DLG2: variants seen among roughly 807,000 people sequenced by gnomAD.
DLG2 encodes discs large MAGUK scaffold protein 2, also known as disks large homolog 2.
Under a neutral mutation model 132.5 loss-of-function variants are expected in DLG2, and 45 were observed. The observed-to-expected ratio is 0.34, with a 90% CI of 0.27 to 0.44. The LOEUF (loss-of-function observed/expected upper bound fraction) is 0.44, where lower values mean the gene tolerates loss of function less well. DLG2 is among the 20% of genes least tolerant of loss of function. The probability of loss-of-function intolerance (pLI) is 1.00; values close to 1 mark genes in which losing one functional copy is unlikely to be tolerated. For missense variants in DLG2, 1,045 were observed against 1,196.9 expected, an observed-to-expected ratio of 0.87 and a Z score of 1.87; for synonymous variants, 424 against 419.6, an observed-to-expected ratio of 1.01 and a Z score of -0.13.
intron 6 of DLG2, among the ~76,000 whole-genome samples, chr11:84,617,226 C>T (rs1464900716): frequency 2.6e-5 from 4 of 151,536 alleles, no homozygotes; most frequent in Non-Finnish European, 5.9e-5. Context: ...TGAGTGAGGA[C>T]ATGCAGTATT....
chr11:85,372,490 AG>A (rs1430432827), intron 3 of DLG2, among the ~76,000 whole-genome samples: 1 of 152,250 alleles, frequency 6.6e-6, no homozygotes, highest in East Asian at 1.9e-4. Context: ...GCCCTAGGAA[AG>A]AAAATTGTAT....
intron 3 of DLG2, among the ~76,000 whole-genome samples, chr11:85,296,310 C>T (rs2079200921): frequency 6.6e-6 from 1 of 152,088 alleles, no homozygotes; most frequent in African/African-American, 2.4e-5. Context: ...ATTCAGTCTA[C>T]AGGGAGACAT....
At chr11:84,497,094 T>C (rs17147397) in intron 7 of DLG2, among the ~76,000 whole-genome samples, 4,669 of 152,220 alleles carry the variant, frequency 0.031, 179 homozygotes, top group African/African-American at 0.093. Context: ...AAATAGATAA[T>C]GGCGTTTAAC....
chr11:84,606,381 C>T (rs1382538922), intron 6 of DLG2, among the ~76,000 whole-genome samples: 1 of 152,072 alleles, frequency 6.6e-6, no homozygotes, highest in Non-Finnish European at 1.5e-5. Flanking sequence ...AAACAACACA[C>T]ACACACATGG....
At chr11:84,991,559 AAAG>A (rs1275854519) in intron 6 of DLG2, among the ~76,000 whole-genome samples, 8 of 151,898 alleles carry the variant, frequency 5.3e-5, no homozygotes, top group Non-Finnish European at 1.2e-4. Context: ...AAAATAAAGA[AAAG>A]GAGGAGGAGG....
chr11:83,946,176 G>C (rs2083898264), intron 14 of DLG2, among the ~76,000 whole-genome samples: 1 of 151,912 alleles, frequency 6.6e-6, no homozygotes, highest in East Asian at 1.9e-4. Flanking sequence ...TTTTAGGAGA[G>C]ATGTGGCTTC....
At position 84,534,553 on chromosome 11, in the gene DLG2, A is replaced by T. The variant is rs1183217368; in HGVS notation, c.519+17T>A. The T allele has an allele frequency of 6.2e-6, 10 of 1,612,022 alleles. No individual in the cohort carries two copies. The highest frequency in any genetic ancestry group is 8.5e-7 in the Non-Finnish European group (1 of 1,178,310). On this transcript the variant is annotated intron_variant, in intron 7 of 27. Coordinates refer to ENST00000376104, the MANE Select transcript of DLG2 (RefSeq NM_001142699.3). ...TACTGTCACCAACTATAAAGTCGGA[A>T]GAGCAATATAACTGACCTTCAGAGG...
chr11:84,327,840 C>G, intron 7 of DLG2, among the ~76,000 whole-genome samples: 1 of 152,304 alleles, frequency 6.6e-6, no homozygotes, highest in Middle Eastern at 3.4e-3. Flanking sequence ...GTTCTTAACA[C>G]AGTAACTGTA....
At chr11:84,909,429 C>G (rs1207216307) in intron 6 of DLG2, among the ~76,000 whole-genome samples, 1 of 152,062 alleles carries the variant, frequency 6.6e-6, no homozygotes, top group Non-Finnish European at 1.5e-5. Flanking sequence ...TTTGGGTATG[C>G]TAATTTGCGT....
In DLG2 at chr11:85,331,645, G is replaced by A. The variant is rs185030683; in HGVS notation, c.41-46280C>T. Among the ~76,000 whole-genome samples, 349 of 152,144 alleles carry A rather than the reference G, an allele frequency of 2.3e-3. 1 individual carries two copies. The highest frequency in any genetic ancestry group is 8.1e-3 in the African/African-American group (335 of 41,514). On this transcript the variant is annotated intron_variant, in intron 3 of 27. Transcript: ENST00000376104. ...CCTGCCACCTGAAGTAGTAGGCCCC[G>A]GTGGCTATGATTCCCCTCTTTGTAT... is the stretch of plus-strand genomic sequence containing the variant.
At chr11:85,130,974 C>G (rs990261265) in intron 5 of DLG2, among the ~76,000 whole-genome samples, 9 of 151,892 alleles carry the variant, frequency 5.9e-5, no homozygotes, top group Non-Finnish European at 7.4e-5. Context: ...ATGTTATATA[C>G]ATCACTCTAG....
intron 18 of DLG2, among the ~76,000 whole-genome samples, chr11:83,784,140 G>A (rs750571678): frequency 6.6e-6 from 1 of 152,130 alleles, no homozygotes; most frequent in South Asian, 2.1e-4. Flanking sequence ...AAAATCATCT[G>A]CCAGCATTGT....
chr11:84,784,359 A>T, intron 6 of DLG2, among the ~76,000 whole-genome samples: 1 of 137,356 alleles, frequency 7.3e-6, no homozygotes, highest in East Asian at 2.0e-4. Flanking sequence ...TAAATAAATA[A>T]ATAAATAAAT....
rs190589060 is a variant in DLG2, at chr11:85,198,489, T to C, written c.187-43838A>G. 1.9e-3 allele frequency among the ~76,000 whole-genome samples: 284 copies of C among 152,266 alleles called. 1 individual carries two copies. Among genetic ancestry groups the C allele is most frequent in the African/African-American group, 6.6e-3 (273 of 41,572 alleles). ...AATTGTTTCTAGAACTAAATCAATT[T>C]ATATATATGAAATATTCTATAAATG... On this transcript the variant is annotated intron_variant, in intron 4 of 27. Transcript: ENST00000376104.
At chr11:84,427,556 G>C (rs973409079) in intron 7 of DLG2, among the ~76,000 whole-genome samples, 2 of 151,918 alleles carry the variant, frequency 1.3e-5, no homozygotes, top group African/African-American at 2.4e-5. Context: ...CAGGAATCTT[G>C]GGGAAAAAAA....
intron 3 of DLG2, among the ~76,000 whole-genome samples, chr11:85,460,660 C>G (rs182812749): frequency 4.3e-4 from 65 of 152,320 alleles, no homozygotes; most frequent in African/African-American, 1.6e-3. Flanking sequence ...TAATAGCCAT[C>G]TTGGCCTCTC....
intron 16 of DLG2, among the ~76,000 whole-genome samples, chr11:83,857,310 G>A (rs1005864889): frequency 5.9e-5 from 9 of 152,022 alleles, no homozygotes; most frequent in Admixed American, 5.9e-4. Context: ...GATCCTTTTT[G>A]GTTCCATATG....
At chr11:83,538,042 A>G (rs894668041) in intron 20 of DLG2, among the ~76,000 whole-genome samples, 1 of 152,176 alleles carries the variant, frequency 6.6e-6, no homozygotes, top group Admixed American at 6.5e-5. Flanking sequence ...CAATTAGAAT[A>G]GTAGCGCAGA....
At chr11:83,886,590 A>G (rs891803064) in intron 15 of DLG2, among the ~76,000 whole-genome samples, 1 of 152,024 alleles carries the variant, frequency 6.6e-6, no homozygotes, top group African/African-American at 2.4e-5. Flanking sequence ...GCTCTGCACC[A>G]AGCAGACCTA....
Sources: allele counts gnomAD v4.1 joint callset (sites outside exome capture counted in the v4.1 genomes callset), GRCh38; gene constraint gnomAD v4.1.1; transcripts MANE v1.5; gene names NCBI Gene and HGNC (gene_info 2026-07-23, HGNC 2026-07-21).